The following COL5A2 variants were observed in gnomAD, a reference collection of about 807,000 sequenced individuals.
COL5A2 encodes the protein collagen alpha-2(V) chain.
A neutral mutation model predicts 208.2 loss-of-function variants in COL5A2; 23 were observed. That is an observed-to-expected ratio of 0.11 (90% CI 0.08 to 0.16). The LOEUF (loss-of-function observed/expected upper bound fraction) is 0.16, where lower values mean the gene tolerates loss of function less well. COL5A2 is among the 10% of genes least tolerant of loss of function. The probability of loss-of-function intolerance (pLI) is 1.00; values close to 1 mark genes in which losing one functional copy is unlikely to be tolerated. For missense variants in COL5A2, 1,590 were observed against 1,956.4 expected, an observed-to-expected ratio of 0.81 and a Z score of 3.53; for synonymous variants, 625 against 628.5, an observed-to-expected ratio of 0.99 and a Z score of 0.08.
At chr2:189,059,890 A>G (rs1230148142) in intron 31 of COL5A2, among the ~76,000 whole-genome samples, 2 of 150,644 alleles carry the variant, frequency 1.3e-5, no homozygotes, top group Non-Finnish European at 3.0e-5. Flanking sequence ...CAGCCTAAAA[A>G]CTCTTCCTTA....
At chr2:189,056,538 A>G (rs1685905244) in intron 35 of COL5A2, among the ~76,000 whole-genome samples, 1 of 152,116 alleles carries the variant, frequency 6.6e-6, no homozygotes, top group East Asian at 1.9e-4. Flanking sequence ...ATGACGATTC[A>G]CTGTGCAGTA....
intron 50 of COL5A2, among the ~76,000 whole-genome samples, chr2:189,041,201 T>C: frequency 6.6e-6 from 1 of 152,240 alleles, no homozygotes. Flanking sequence ...GGAGAAAAAC[T>C]TCAATTTCAT....
Position 189,149,660 on chromosome 2 carries a change from T to C in COL5A2, c.97+29848A>G, listed in dbSNP as rs1339935746. Among the ~76,000 whole-genome samples the C allele has an allele frequency of 2.0e-5, 3 of 152,220 alleles. No individual in the cohort carries two copies. The East Asian group carries it at 5.8e-4, about 29-fold the overall frequency. The stretch of plus-strand genomic sequence containing the variant: ...CAACATTATTCTGAAATTTCAAGAA[T>C]GAAGAAACTATAAGTGAATTTTAAA... On this transcript the variant is annotated intron_variant, in intron 1 of 53. Transcript: ENST00000374866.
At chr2:189,037,009 C>G (rs1463481357) in intron 51 of COL5A2, among the ~76,000 whole-genome samples, 1 of 152,092 alleles carries the variant, frequency 6.6e-6, no homozygotes, top group Non-Finnish European at 1.5e-5. Context: ...CTTTGCCAAA[C>G]CATGTACTTA....
chr2:189,416,078 T>G, the COL5A2 span, among the ~76,000 whole-genome samples: 42 of 152,328 alleles, frequency 2.8e-4, no homozygotes, highest in East Asian at 1.9e-3. Flanking sequence ...CTGGAGAGGA[T>G]GTGGAGAAAC....
At chr2:189,411,505 GA>G in the COL5A2 span, among the ~76,000 whole-genome samples, 1 of 152,094 alleles carries the variant, frequency 6.6e-6, no homozygotes, top group Non-Finnish European at 1.5e-5. Context: ...AAAATTATCA[GA>G]AGCACAAATT....
the COL5A2 span, among the ~76,000 whole-genome samples, chr2:189,405,980 TC>T: frequency 6.6e-6 from 1 of 152,198 alleles, no homozygotes; most frequent in Non-Finnish European, 1.5e-5. Context: ...GTAGGTTAGT[TC>T]TTTCTAGAGT....
At chr2:189,179,400 A>C in intron 1 of COL5A2, 108 bp downstream of exon 1, 6 of 1,311,840 alleles carry the variant, frequency 4.6e-6, no homozygotes, top group Non-Finnish European at 6.5e-6. Flanking sequence ...CCCCCTTCTC[A>C]AACTTCAAAC....
chr2:189,372,628 G>A, the COL5A2 span, among the ~76,000 whole-genome samples: 1 of 152,082 alleles, frequency 6.6e-6, no homozygotes, highest in Admixed American at 6.6e-5. Flanking sequence ...TAACATTTCT[G>A]CAAGTGGACT....
intron 6 of COL5A2, among the ~76,000 whole-genome samples, chr2:189,093,866 TA>T (rs1291928270): frequency 2.0e-5 from 3 of 152,180 alleles, no homozygotes; most frequent in Non-Finnish European, 4.4e-5. Flanking sequence ...GACAAAATAA[TA>T]GTCTGGTTTA....
the COL5A2 span, among the ~76,000 whole-genome samples, chr2:189,233,894 C>T: frequency 2.0e-5 from 3 of 151,806 alleles, no homozygotes; most frequent in African/African-American, 7.2e-5. Context: ...TTTCCAGTGG[C>T]AATGGGTTTA....
chr2:189,195,026 A>G (rs957599946), intron 1 of COL5A2, among the ~76,000 whole-genome samples: 4 of 152,182 alleles, frequency 2.6e-5, no homozygotes, highest in Non-Finnish European at 5.9e-5. Context: ...CAGGAAGTCA[A>G]ATTGTCTCTG....
At chr2:189,422,213 C>T in the COL5A2 span, among the ~76,000 whole-genome samples, 7 of 151,802 alleles carry the variant, frequency 4.6e-5, no homozygotes, top group African/African-American at 7.3e-5. Context: ...ATGAACTGCC[C>T]GACAAAACAT....
the COL5A2 span, among the ~76,000 whole-genome samples, chr2:189,398,785 T>C: frequency 1.3e-5 from 2 of 152,208 alleles, no homozygotes; most frequent in Non-Finnish European, 2.9e-5. Flanking sequence ...AAATCATCTA[T>C]ACTATTGTTT....
the COL5A2 span, among the ~76,000 whole-genome samples, chr2:189,321,784 C>G: frequency 1.3e-5 from 2 of 152,178 alleles, no homozygotes; most frequent in African/African-American, 4.8e-5. Context: ...AGAAAGTTAA[C>G]AAGGATATCC....
rs539623053 is a variant in COL5A2, at chr2:189,144,622, A to G, written c.98-34173T>C. 2.0e-5 allele frequency among the ~76,000 whole-genome samples: 3 copies of G among 151,896 alleles called. No individual in the cohort carries two copies. In the South Asian group the frequency reaches 6.2e-4, roughly 31 times the overall value. ...ATTTGCCATCTTCTTGAATTAAAAA[A>G]TACATATATTTTATATATATACTTT... On this transcript the variant is annotated intron_variant, in intron 1 of 53. Coordinates refer to ENST00000374866, the MANE Select transcript of COL5A2 (RefSeq NM_000393.5).
chr2:189,176,512 C>T (rs190291002), intron 1 of COL5A2, among the ~76,000 whole-genome samples: 260 of 152,222 alleles, frequency 1.7e-3, no homozygotes, highest in African/African-American at 5.6e-3. Context: ...ATGTTGAATA[C>T]AATGATTCAT....
At chr2:189,138,184 C>A (rs1687862329) in intron 1 of COL5A2, among the ~76,000 whole-genome samples, 1 of 152,130 alleles carries the variant, frequency 6.6e-6, no homozygotes, top group South Asian at 2.1e-4. Flanking sequence ...CCATGTTGGC[C>A]AGGCTGATCT....
At chr2:189,149,345 T>G (rs1688100872) in intron 1 of COL5A2, among the ~76,000 whole-genome samples, 1 of 152,188 alleles carries the variant, frequency 6.6e-6, no homozygotes, top group African/African-American at 2.4e-5. Flanking sequence ...GTGAAATAAA[T>G]GAAGTAATAC....
Sources: allele counts gnomAD v4.1 joint callset (sites outside exome capture counted in the v4.1 genomes callset), GRCh38; gene constraint gnomAD v4.1.1; transcripts MANE v1.5; gene names NCBI Gene and HGNC (gene_info 2026-07-23, HGNC 2026-07-21).